Variants in STON1 observed in about 807,000 individuals in gnomAD.
STON1 encodes the protein stonin-1.
In STON1, 79 loss-of-function variants were observed where a neutral mutation model predicts 60.9. The ratio of observed to expected loss-of-function variants is 1.30; its 90% CI spans 1.08 to 1.56. The LOEUF (loss-of-function observed/expected upper bound fraction) is 1.56, where lower values mean the gene tolerates loss of function less well. Ranked by LOEUF, STON1 falls within the 40% of genes most tolerant of loss-of-function variation. The pLI is 0.00. For missense variants in STON1, 1,166 were observed against 858.9 expected (o/e 1.36, Z -4.47); for synonymous variants, 363 against 306.9 (o/e 1.18, Z -1.91).
In STON1 at chr2:48,581,995, C is replaced by G. The variant is rs771006349; in HGVS notation, c.1362C>G (p.Cys454Trp). The change falls in exon 2 of 4, where the codon TGC (cysteine) becomes TGG (tryptophan). Residue 454 changes from cysteine to tryptophan, a missense_variant. Coordinates refer to ENST00000404752, the MANE Select transcript of STON1 (RefSeq NM_006873.4). ...GCTTTGTGAATGGGAACCTGGAATG[C>G]TTTTTAACCTTGAATGACCTTGAGT... is the stretch of plus-strand genomic sequence containing the variant. ...CLCFVNGNLE[C>W]FLTLNDLELP... is the part of the protein sequence containing the mutation. 1.2e-6 allele frequency: 2 copies of G among 1,614,118 alleles called. No homozygotes were observed. Among genetic ancestry groups the G allele is most frequent in the Non-Finnish European group, 1.7e-6 (2 of 1,180,022 alleles).
intron 1 of STON1, among the ~76,000 whole-genome samples, chr2:48,578,578 T>TCCTCCTCCTCC (rs1673673859): frequency 8.5e-6 from 1 of 117,686 alleles, no homozygotes; most frequent in East Asian, 2.5e-4. Context: ...CTCCTCCTCC[T>TCCTCCTCCTCC]TCCTTTTTTT....
chr2:48,542,971 C>A (rs1477054683), intron 1 of STON1, among the ~76,000 whole-genome samples: 5 of 105,494 alleles, frequency 4.7e-5, no homozygotes, highest in Non-Finnish European at 9.6e-5. Flanking sequence ...AATATCTTGA[C>A]TTTTTTTTTT....
chr2:48,560,611 C>T (rs142009035), intron 1 of STON1, among the ~76,000 whole-genome samples: 203 of 152,268 alleles, frequency 1.3e-3, no homozygotes, highest in African/African-American at 4.6e-3. Flanking sequence ...GGGTCCTCTT[C>T]GTGCTGCTCC....
chr2:48,563,411 A>T (rs1025916296), intron 1 of STON1, among the ~76,000 whole-genome samples: 6 of 152,184 alleles, frequency 3.9e-5, no homozygotes, highest in Non-Finnish European at 8.8e-5. Context: ...AAAGGCAGGG[A>T]TGTCCTCCTA....
chr2:48,546,488 TC>T (rs1671871679), intron 1 of STON1, among the ~76,000 whole-genome samples: 2 of 152,164 alleles, frequency 1.3e-5, no homozygotes, highest in African/African-American at 4.8e-5. Context: ...TGCATCTTTG[TC>T]CCCCCATCAC....
At chr2:48,576,209 T>C (rs1430923972) in intron 1 of STON1, among the ~76,000 whole-genome samples, 1 of 142,250 alleles carries the variant, frequency 7.0e-6, no homozygotes. Context: ...TTTTTTTTTT[T>C]TGAGACAGAG....
At chr2:48,563,008 C>T (rs1158365218) in intron 1 of STON1, among the ~76,000 whole-genome samples, 2 of 152,208 alleles carry the variant, frequency 1.3e-5, no homozygotes, top group Non-Finnish European at 2.9e-5. Flanking sequence ...ACTGACCTTG[C>T]CCTCTGAAGT....
intron 1 of STON1, among the ~76,000 whole-genome samples, chr2:48,577,493 A>G (rs1484163180): frequency 6.6e-5 from 10 of 150,852 alleles, no homozygotes; most frequent in Non-Finnish European, 1.5e-4. Context: ...AGGCAGGAGA[A>G]TTGATTGAAC....
At position 48,582,284 on chromosome 2, in the gene STON1, T is replaced by A; in HGVS notation, c.1651T>A (p.Ser551Thr). Residue 551 changes from serine (S) to threonine (T), a missense_variant, in exon 2 of 4, where the codon TCA becomes ACA. Coordinates refer to ENST00000404752, the MANE Select transcript of STON1 (RefSeq NM_006873.4). ...ACTTCAGGCTTTTGTCAACATGGCC[T>A]CATTGGCGCAGAGGTCATCCTATGC... ...VELQAFVNMASLAQRSSYAGS... is the reference protein window; with the variant it reads ...VELQAFVNMATLAQRSSYAGS... The A allele has an allele frequency of 6.2e-7, 1 of 1,614,236 alleles. No individual in the cohort carries two copies. Among genetic ancestry groups the A allele is most frequent in the South Asian group, 1.1e-5 (1 of 91,088 alleles).
chr2:48,580,242 T>C (rs1018816360), intron 1 of STON1, among the ~76,000 whole-genome samples: 1 of 152,188 alleles, frequency 6.6e-6, no homozygotes, highest in African/African-American at 2.4e-5. Context: ...TGCGTCTTCC[T>C]AGTGAATTGA....
In STON1 at chr2:48,595,114, G is replaced by T. The variant is rs1462695165; in HGVS notation, c.2134-114G>T. 4 of 808,184 alleles carry T rather than the reference G, an allele frequency of 4.9e-6. No homozygotes were observed. The East Asian group carries it at 1.1e-4, about 22-fold the overall frequency. The allele number at this position is 808,184 out of a possible 1,614,324, so 50.1% of individuals were successfully genotyped here. ...TAGGAGGGTAGAGGGCTGTGTCTGT[G>T]TCCAAAGGGTGAGGTTTGTGCAGTC... is the stretch of plus-strand genomic sequence containing the variant. On this transcript the variant is annotated intron_variant, in intron 3 of 3. Transcript: ENST00000404752.
chr2:48,563,656 C>T (rs191324547), intron 1 of STON1, among the ~76,000 whole-genome samples: 14 of 151,994 alleles, frequency 9.2e-5, no homozygotes, highest in African/African-American at 3.1e-4. Context: ...TTCTGAGGCA[C>T]ACCCTCCACG....
intron 1 of STON1, among the ~76,000 whole-genome samples, chr2:48,544,566 GAC>G (rs1671786036): frequency 6.6e-6 from 1 of 151,894 alleles, no homozygotes; most frequent in Non-Finnish European, 1.5e-5. Flanking sequence ...GTTTTTTTGA[GAC>G]AGAGTCTTGC....
intron 1 of STON1, among the ~76,000 whole-genome samples, chr2:48,541,327 T>G (rs548010081): frequency 6.6e-6 from 1 of 151,018 alleles, no homozygotes; most frequent in African/African-American, 2.4e-5. Context: ...CATCCCAGCC[T>G]GGGAGACAGT....
chr2:48,577,053 C>CA (rs55808207), intron 1 of STON1, among the ~76,000 whole-genome samples: 50,796 of 139,666 alleles, frequency 0.36, 8,791 homozygotes, highest in East Asian at 0.49. Context: ...GATTCCATCT[C>CA]AAAAAAAAAA....
chr2:48,575,680 A>G (rs62135230), intron 1 of STON1, among the ~76,000 whole-genome samples: 50,595 of 140,340 alleles, frequency 0.36, 8,808 homozygotes, highest in South Asian at 0.42. Context: ...ATAAATAAAT[A>G]AATAAATGAA....
chr2:48,594,484 G>A (rs1674691041), intron 3 of STON1, among the ~76,000 whole-genome samples: 1 of 152,198 alleles, frequency 6.6e-6, no homozygotes, highest in Non-Finnish European at 1.5e-5. Flanking sequence ...CAGGGACACA[G>A]CAGTGTGAAC....
intron 1 of STON1, among the ~76,000 whole-genome samples, chr2:48,575,578 G>A (rs201249254): frequency 3.3e-5 from 5 of 151,742 alleles, no homozygotes; most frequent in Admixed American, 1.3e-4. Context: ...ACTTGAACCC[G>A]GGAGGCAGAG....
chr2:48,566,973 A>T (rs550786211), intron 1 of STON1, among the ~76,000 whole-genome samples: 1 of 152,148 alleles, frequency 6.6e-6, no homozygotes, highest in Non-Finnish European at 1.5e-5. Context: ...CTATGTCACT[A>T]TTCTCTAAAT....
Sources: allele counts gnomAD v4.1 joint callset (sites outside exome capture counted in the v4.1 genomes callset), GRCh38; gene constraint gnomAD v4.1.1; transcripts MANE v1.5; gene names NCBI Gene and HGNC (gene_info 2026-07-23, HGNC 2026-07-21).